Variants in STON2 observed in about 807,000 individuals in gnomAD.
STON2 encodes the protein stonin 2.
Under a neutral mutation model 65.7 loss-of-function variants are expected in STON2, and 29 were observed. The ratio of observed to expected loss-of-function variants is 0.44; its 90% confidence interval spans 0.33 to 0.60. The LOEUF is 0.60. Among genes scored for constraint, STON2 ranks in the 20% least tolerant of loss-of-function variants. STON2 has a pLI of 0.03. For synonymous variants in STON2, 404 were observed against 414.2 expected (o/e 0.98, Z 0.30); for missense variants, 1,054 against 1,118.1 (o/e 0.94, Z 0.82).
intron 4 of STON2, among the ~76,000 whole-genome samples, chr14:81,357,501 A>G (rs1203808372): frequency 6.6e-6 from 1 of 150,816 alleles, no homozygotes; most frequent in African/African-American, 2.4e-5. Flanking sequence ...GCGATTCCTC[A>G]GGGATCTAGA....
In STON2 at chr14:81,356,487, T is replaced by C. The variant is rs1898239382; in HGVS notation, c.571+14501A>G. Among the ~76,000 whole-genome samples, 2 of 152,108 alleles carry C rather than the reference T, an allele frequency of 1.3e-5. 1 individual carries two copies. Among genetic ancestry groups the C allele is most frequent in the South Asian group, 4.1e-4 (2 of 4,822 alleles). On this transcript the variant is annotated intron_variant, in intron 4 of 7. Transcript: ENST00000614646. ...AAATTCTCTTTTTTTGTTGTGTCTC[T>C]GCCAGGCTTTGGTATCAGGAGGATG...
In STON2 at chr14:81,263,415, G is replaced by A. The variant is rs1415241546; in HGVS notation, c.*4999C>T. Among the ~76,000 whole-genome samples, 1 of 151,714 alleles carries A rather than the reference G, an allele frequency of 6.6e-6. No homozygotes were observed. Among genetic ancestry groups the A allele is most frequent in the East Asian group, 1.9e-4 (1 of 5,160 alleles). On this transcript the variant is annotated 3_prime_UTR_variant, in exon 8 of 8. Coordinates refer to ENST00000614646, the MANE Select transcript of STON2 (RefSeq NM_001394390.1). ...TAGTCAGGCGTGGTGGCACATGCCTGTAGTCCCAGCTACTCGGGAGGTTGA... is the reference window on the plus strand; with the variant it reads ...TAGTCAGGCGTGGTGGCACATGCCTATAGTCCCAGCTACTCGGGAGGTTGA...
intron 3 of STON2, among the ~76,000 whole-genome samples, chr14:81,373,998 C>T (rs891537539): frequency 8.6e-5 from 8 of 92,778 alleles, no homozygotes; most frequent in African/African-American, 2.6e-4. Flanking sequence ...TATAATAATG[C>T]CTTTTTTTTT....
intron 2 of STON2, among the ~76,000 whole-genome samples, chr14:81,422,349 T>C (rs1056856412): frequency 6.6e-6 from 1 of 152,184 alleles, no homozygotes; most frequent in Admixed American, 6.5e-5. Flanking sequence ...GGGTCCCCTT[T>C]ACCTTCCATC....
intron 4 of STON2, among the ~76,000 whole-genome samples, chr14:81,333,789 T>C (rs1209859051): frequency 6.6e-6 from 1 of 152,040 alleles, no homozygotes; most frequent in Non-Finnish European, 1.5e-5. Flanking sequence ...GATTTTCTAG[T>C]TTTGAACAGC....
At position 81,398,286 on chromosome 14, in the gene STON2, A is replaced by G. The variant is rs181975347; in HGVS notation, c.88+9T>C. 11 of 1,602,346 alleles carry G rather than the reference A, an allele frequency of 6.9e-6. No individual in the cohort carries two copies. The East Asian group carries it at 2.2e-4, about 33-fold the overall frequency. ...TCTCTTCACTTTAGGAAACGAAGGCACTCCTTACCCTGCGAGTGGGCAGGA... is the reference window on the plus strand; with the variant it reads ...TCTCTTCACTTTAGGAAACGAAGGCGCTCCTTACCCTGCGAGTGGGCAGGA... On this transcript the variant is annotated intron_variant, in intron 2 of 7. Coordinates refer to ENST00000614646, the MANE Select transcript of STON2 (RefSeq NM_001394390.1).
At position 81,276,752 on chromosome 14, in the gene STON2, A is replaced by C. The variant is rs909314909; in HGVS notation, c.2581+149T>G. The C allele has an allele frequency of 1.1e-5, 10 of 877,762 alleles. No individual in the cohort carries two copies. In the Admixed American group the frequency reaches 2.5e-4, roughly 22 times the overall value. The allele number at this position is 877,762 out of a possible 1,614,324, so 54.4% of individuals were successfully genotyped here. On this transcript the variant is annotated intron_variant, in intron 6 of 7. Coordinates refer to ENST00000614646, the MANE Select transcript of STON2 (RefSeq NM_001394390.1). ...ACTATACGCATTACTTACCTTGCTC[A>C]ATTATTTTTACTTTTCTGGTCCCAC... is the stretch of plus-strand genomic sequence containing the variant.
At chr14:81,364,777 T>A (rs952879833) in intron 4 of STON2, among the ~76,000 whole-genome samples, 5 of 152,166 alleles carry the variant, frequency 3.3e-5, no homozygotes, top group African/African-American at 4.8e-5. Context: ...CTTTTTGGCC[T>A]CTTGCATGGG....
chr14:81,371,825 A>G (rs1372764365), intron 3 of STON2, among the ~76,000 whole-genome samples: 1 of 152,200 alleles, frequency 6.6e-6, no homozygotes, highest in Admixed American at 6.5e-5. Flanking sequence ...AACTACAGGA[A>G]TCTTGCAGTT....
chr14:81,333,933 C>T (rs945177011), intron 4 of STON2, among the ~76,000 whole-genome samples: 1 of 152,120 alleles, frequency 6.6e-6, no homozygotes, highest in African/African-American at 2.4e-5. Flanking sequence ...GTTCTGAAAC[C>T]GCCTCCATTT....
At chr14:81,274,870 A>G (rs1894746593) in intron 6 of STON2, among the ~76,000 whole-genome samples, 8 of 152,136 alleles carry the variant, frequency 5.3e-5, no homozygotes, top group African/African-American at 1.7e-4. Flanking sequence ...GCACCACTGC[A>G]CTTCAGCCTG....
rs145889682 is a variant in STON2, at chr14:81,391,822, C to T, written c.373+4072G>A. On this transcript the variant is annotated intron_variant, in intron 3 of 7. Transcript: ENST00000614646. ...GGCATCAAGTCTGCTGGGAACCCAT[C>T]CTACAGGACCCTCCTAAGGTAGAAA... 2.5e-3 allele frequency among the ~76,000 whole-genome samples: 381 copies of T among 152,274 alleles called. 3 individuals carry two copies. Among genetic ancestry groups the T allele is most frequent in the African/African-American group, 8.6e-3 (359 of 41,550 alleles).
At chr14:81,307,497 A>C (rs933561575) in intron 5 of STON2, among the ~76,000 whole-genome samples, 1 of 152,256 alleles carries the variant, frequency 6.6e-6, no homozygotes, top group African/African-American at 2.4e-5. Flanking sequence ...TCTGGAATCC[A>C]AATGTCACTG....
intron 3 of STON2, 127 bp from the exon 4 acceptor site, chr14:81,371,312 G>A: frequency 1.2e-6 from 1 of 828,918 alleles, no homozygotes; most frequent in Non-Finnish European, 1.9e-6. Context: ...AGGCAAGGAA[G>A]TCTTGTATGG....
chr14:81,431,189 C>G (rs1902210874), intron 1 of STON2, among the ~76,000 whole-genome samples: 1 of 152,200 alleles, frequency 6.6e-6, no homozygotes, highest in Non-Finnish European at 1.5e-5. Context: ...GGAAGGTACA[C>G]AGAATCCTGG....
At chr14:81,359,806 G>T (rs1444783497) in intron 4 of STON2, among the ~76,000 whole-genome samples, 2 of 152,168 alleles carry the variant, frequency 1.3e-5, no homozygotes, top group African/African-American at 4.8e-5. Context: ...TACCAAGACT[G>T]AATCACAAGG....
chr14:81,333,337 T>C, intron 4 of STON2: 3 of 575,230 alleles, frequency 5.2e-6, no homozygotes, highest in Non-Finnish European at 9.6e-6. Flanking sequence ...AACTTTCTAG[T>C]TCAGATAGTT....
At chr14:81,351,709 T>C (rs1015742058) in intron 4 of STON2, among the ~76,000 whole-genome samples, 1 of 152,176 alleles carries the variant, frequency 6.6e-6, no homozygotes, top group Non-Finnish European at 1.5e-5. Flanking sequence ...TCTGTTCAGT[T>C]TTTTTCTAAC....
intron 3 of STON2, among the ~76,000 whole-genome samples, chr14:81,387,822 C>T (rs542409123): frequency 1.3e-5 from 2 of 149,790 alleles, no homozygotes; most frequent in South Asian, 2.1e-4. Context: ...AACCCAGAAG[C>T]GGAGGTTGCA....
Sources: gnomAD v4.1 joint callset for allele counts (sites outside exome capture counted in the v4.1 genomes callset) on GRCh38, gnomAD v4.1.1 for gene constraint, MANE v1.5 for transcripts, NCBI Gene and HGNC (gene_info 2026-07-23, HGNC 2026-07-21) for gene names.